The following PDE3B variants were observed in gnomAD, a reference collection of about 807,000 sequenced individuals.
PDE3B encodes cGMP-inhibited 3',5'-cyclic phosphodiesterase 3B.
Under a neutral mutation model 116.8 loss-of-function variants are expected in PDE3B, and 66 were observed. The ratio of observed to expected loss-of-function variants is 0.56; its 90% CI spans 0.46 to 0.69. PDE3B has a LOEUF of 0.69. Ranked by LOEUF, PDE3B falls within the 30% of genes least tolerant of loss-of-function variation. PDE3B has a pLI of 0.00. For synonymous variants in PDE3B, 595 were observed against 533.6 expected (o/e 1.12, Z -1.59); for missense variants, 1,384 against 1,368.1 (o/e 1.01, Z -0.18).
intron 1 of PDE3B, among the ~76,000 whole-genome samples, chr11:14,767,534 A>G (rs1488028349): frequency 2.0e-5 from 3 of 151,452 alleles, no homozygotes; most frequent in Admixed American, 6.6e-5. Flanking sequence ...TTGATTGGGG[A>G]GTATAATGCA....
At chr11:14,674,338 T>G in intron 1 of PDE3B, 2 of 865,724 alleles carry the variant, frequency 2.3e-6, no homozygotes, top group Non-Finnish European at 3.9e-6. Context: ...AAGTTCTTAT[T>G]CTTTCTGCAA....
At chr11:14,723,210 C>G (rs1277458070) in intron 1 of PDE3B, among the ~76,000 whole-genome samples, 3 of 152,120 alleles carry the variant, frequency 2.0e-5, no homozygotes, top group Non-Finnish European at 4.4e-5. Context: ...ACTTTGACTC[C>G]AATTTAGCCA....
intron 5 of PDE3B, among the ~76,000 whole-genome samples, chr11:14,813,925 T>C (rs983813522): frequency 2.0e-5 from 3 of 152,174 alleles, no homozygotes; most frequent in African/African-American, 4.8e-5. Context: ...AATGTTCATG[T>C]TGGGAAGTAT....
At chr11:14,666,123 A>G (rs1365894009) in intron 1 of PDE3B, among the ~76,000 whole-genome samples, 1 of 149,812 alleles carries the variant, frequency 6.7e-6, no homozygotes, top group African/African-American at 2.5e-5. Flanking sequence ...CTCAGAAATA[A>G]CGCCGCATAT....
At chr11:14,741,997 A>G (rs556904599) in intron 1 of PDE3B, among the ~76,000 whole-genome samples, 13 of 152,074 alleles carry the variant, frequency 8.5e-5, no homozygotes, top group South Asian at 2.1e-4. Context: ...GAGTAACCCA[A>G]CCTTTCTCTC....
Position 14,644,895 on chromosome 11 carries a change from C to G in PDE3B, c.820C>G (p.Leu274Val). The G allele has an allele frequency of 6.2e-7, 1 of 1,614,138 alleles. No homozygotes were observed. Among genetic ancestry groups the G allele is most frequent in the Non-Finnish European group, 8.5e-7 (1 of 1,180,026 alleles). Residue 274 changes from leucine to valine, a missense_variant, in exon 1 of 16, where the codon CTT becomes GTT. This residue lies in a region of PDE3B where 956 missense variants were observed against 806.8 expected (regional missense o/e 1.18). Transcript: ENST00000282096. ...DHFFQIREAP[L>V]HPRLSSAAEE... ...CTTCTTTCAAATCAGGGAAGCGCCT[C>G]TTCATCCTCGACTGTCCAGTGCCGC...
At chr11:14,890,997 CATCTGCCAACTCCTTAAAAGGCTGT>C in the PDE3B span, 3 of 985,468 alleles carry the variant, frequency 3.0e-6, no homozygotes, top group Non-Finnish European at 3.6e-6. Context: ...CTCTCCCACT[CATCTGCCAACTCCTTAAAAGGCTGT>C]ATCTGCCTTC....
chr11:14,834,558 A>C lies in PDE3B; in HGVS notation c.2207-424A>C, dbSNP rs149258336. Among the ~76,000 whole-genome samples the C allele has an allele frequency of 6.8e-4, 103 of 152,338 alleles. 1 individual carries two copies. Among genetic ancestry groups the C allele is most frequent in the South Asian group, 6.2e-4 (3 of 4,832 alleles). ...ATATTTAGTATTTAATTCCTGTGGCAAGCCTGAGACATAGTATTTCTGACC... is the reference window on the plus strand; with the variant it reads ...ATATTTAGTATTTAATTCCTGTGGCCAGCCTGAGACATAGTATTTCTGACC... On this transcript the variant is annotated intron_variant, in intron 10 of 15. Coordinates refer to ENST00000282096, the MANE Select transcript of PDE3B (RefSeq NM_000922.4).
At position 14,844,840 on chromosome 11, in the gene PDE3B, G is replaced by C. The variant is rs530227130; in HGVS notation, c.2520+814G>C. Among the ~76,000 whole-genome samples, 150 of 152,344 alleles carry C rather than the reference G, an allele frequency of 9.8e-4. 1 individual carries two copies. The highest frequency in any genetic ancestry group is 1.4e-3 in the Admixed American group (22 of 15,306). On this transcript the variant is annotated intron_variant, in intron 12 of 15. Transcript: ENST00000282096. ...GGTAAACAAAGCAGCTGGGAAGCTCGAACTGGGTGGAGCCAACCACAGCCC... is the reference window on the plus strand; with the variant it reads ...GGTAAACAAAGCAGCTGGGAAGCTCCAACTGGGTGGAGCCAACCACAGCCC...
chr11:14,811,804 T>G (rs1859141207), intron 5 of PDE3B, among the ~76,000 whole-genome samples: 1 of 152,298 alleles, frequency 6.6e-6, no homozygotes, highest in South Asian at 2.1e-4. Context: ...GTTTGTATCC[T>G]CTTTTATTTC....
chr11:14,833,710 A>AT (rs915473413), intron 10 of PDE3B, among the ~76,000 whole-genome samples: 1 of 152,220 alleles, frequency 6.6e-6, no homozygotes, highest in African/African-American at 2.4e-5. Context: ...ATGTGGACAC[A>AT]TTTTTGAGAA....
intron 1 of PDE3B, among the ~76,000 whole-genome samples, chr11:14,693,566 A>G (rs1046060065): frequency 6.6e-6 from 1 of 152,176 alleles, no homozygotes; most frequent in Non-Finnish European, 1.5e-5. Flanking sequence ...TGAGCCCTGT[A>G]AGCAGAACAA....
At chr11:14,715,925 G>T (rs2133834527) in intron 1 of PDE3B, among the ~76,000 whole-genome samples, 1 of 152,314 alleles carries the variant, frequency 6.6e-6, no homozygotes, top group African/African-American at 2.4e-5. Context: ...AGCCAAGATG[G>T]CCGAATAGGA....
chr11:14,715,955 C>A (rs1452846671), intron 1 of PDE3B, among the ~76,000 whole-genome samples: 3 of 152,156 alleles, frequency 2.0e-5, no homozygotes, highest in Non-Finnish European at 4.4e-5. Flanking sequence ...GTCTACAGCT[C>A]CCAGCGTGAG....
chr11:14,812,990 C>T lies in PDE3B; in HGVS notation c.1523-5193C>T, dbSNP rs1250812542. On this transcript the variant is annotated intron_variant, in intron 5 of 15. Coordinates refer to ENST00000282096, the MANE Select transcript of PDE3B (RefSeq NM_000922.4). ...CAAAGAGCTCTCTAATCCCTTCCGC[C>T]ATGTGAGGACACGAGAAGATGGCCG... 4.6e-5 allele frequency among the ~76,000 whole-genome samples: 7 copies of T among 152,270 alleles called. No homozygotes were observed. The East Asian group carries it at 1.2e-3, about 25-fold the overall frequency.
chr11:14,847,440 C>T lies in PDE3B; in HGVS notation c.2520+3414C>T, dbSNP rs563890935. Among the ~76,000 whole-genome samples, 63 of 151,242 alleles carry T rather than the reference C, an allele frequency of 4.2e-4. 1 individual carries two copies. Among genetic ancestry groups the T allele is most frequent in the African/African-American group, 1.5e-3 (61 of 41,064 alleles). ...ATCACAATTAAAAGAACTAGAAAAG[C>T]AAGAGCAAACACATTCAAAAGCTAG... On this transcript the variant is annotated intron_variant, in intron 12 of 15. Coordinates refer to ENST00000282096, the MANE Select transcript of PDE3B (RefSeq NM_000922.4).
chr11:14,643,923 G>GGTGGGGACCCCGGGCC lies in PDE3B; in HGVS notation c.-148_-133dup. On this transcript the variant is annotated 5_prime_UTR_variant, in exon 1 of 16. It removes the in-frame stop codon of an upstream open reading frame in the 5' UTR. Coordinates refer to ENST00000282096, the MANE Select transcript of PDE3B (RefSeq NM_000922.4). Reference sequence around the variant, plus strand: ...GACTCCGCCGCTCCTCAGTCCGCGCGGTGGGGACCCCGGGCCGTGGCGGCC... The same window carrying GGTGGGGACCCCGGGCC: ...GACTCCGCCGCTCCTCAGTCCGCGCGGTGGGGACCCCGGGCCGTGGGGACCCCGGGCCGTGGCGGCC... The GGTGGGGACCCCGGGCC allele has an allele frequency of 8.6e-7, 1 of 1,166,540 alleles. No individual in the cohort carries two copies. The highest frequency in any genetic ancestry group is 2.1e-5 in the South Asian group (1 of 46,986). The allele number at this position is 1,166,540 out of a possible 1,614,324, so 72.3% of individuals were successfully genotyped here. A position where few individuals can be genotyped will look rare whatever the true frequency, so the allele number is the denominator to read the frequency against.
chr11:14,833,491 G>C (rs1042481870), intron 10 of PDE3B, among the ~76,000 whole-genome samples: 7 of 152,020 alleles, frequency 4.6e-5, no homozygotes, highest in Non-Finnish European at 8.8e-5. Context: ...TTAATTGCCT[G>C]TGTACTTTAT....
chr11:14,690,816 T>C (rs1291611949), intron 1 of PDE3B, among the ~76,000 whole-genome samples: 5 of 152,114 alleles, frequency 3.3e-5, no homozygotes, highest in African/African-American at 4.8e-5. Context: ...TCTTCACTAA[T>C]GAGTATGAAT....
Sources: gnomAD v4.1 joint callset for allele counts (sites outside exome capture counted in the v4.1 genomes callset) on GRCh38, gnomAD v4.1.1 for gene constraint, gnomAD v4.1.1 regional missense constraint, MANE v1.5 for transcripts, NCBI Gene and HGNC (gene_info 2026-07-23, HGNC 2026-07-21) for gene names.